Variants in FZD4 observed in about 807,000 individuals in gnomAD.
The protein encoded by FZD4 is frizzled-4.
A neutral mutation model predicts 37.3 loss-of-function variants in FZD4; 16 were observed. The observed-to-expected ratio is 0.43, with a 90% CI of 0.29 to 0.65. The LOEUF is 0.65. FZD4 is among the 30% of genes least tolerant of loss of function. FZD4 has a pLI of 0.16. For missense variants in FZD4, 599 were observed against 674.3 expected, an observed-to-expected ratio of 0.89 and a Z score of 1.24; for synonymous variants, 246 against 254.8, an observed-to-expected ratio of 0.97 and a Z score of 0.33.
intron 1 of FZD4, chr11:86,952,959 T>G (rs1373138579): frequency 1.3e-5 from 2 of 157,772 alleles, no homozygotes; most frequent in African/African-American, 4.8e-5. Context: ...CCTTAAAAAT[T>G]TGTTTAAACT....
In FZD4 at chr11:86,950,732, T is replaced by A; in HGVS notation, c.*410A>T. ...GCTATCTGAAAGACCCAGTTAGTAT[T>A]TAAAATGGTAAAGGGTTAAAAAAGT... On this transcript the variant is annotated 3_prime_UTR_variant, in exon 2 of 2. Coordinates refer to ENST00000531380, the MANE Select transcript of FZD4 (RefSeq NM_012193.4). 1 of 254,788 alleles carries A rather than the reference T, an allele frequency of 3.9e-6. No homozygotes were observed. The highest frequency in any genetic ancestry group is 5.6e-5 in the South Asian group (1 of 17,786). 15.8% of individuals were successfully genotyped at this position (254,788 alleles called of 1,614,324 possible).
Position 86,955,137 on chromosome 11 carries a change from C to A in FZD4, c.-52G>T, listed in dbSNP as rs1274822674. ...GCGGCTGGGGCTGCTCTGGCAGACACCCCCAGTTTGCACGGGGGCGCCGGC... is the reference window on the plus strand; with the variant it reads ...GCGGCTGGGGCTGCTCTGGCAGACAACCCCAGTTTGCACGGGGGCGCCGGC... On this transcript the variant is annotated 5_prime_UTR_variant, in exon 1 of 2. Transcript: ENST00000531380. The A allele has an allele frequency of 7.4e-6, 10 of 1,357,040 alleles. No homozygotes were observed. Among genetic ancestry groups the A allele is most frequent in the African/African-American group, 1.5e-5 (1 of 64,936 alleles). The allele number at this position is 1,357,040 out of a possible 1,614,324, so 84.1% of individuals were successfully genotyped here.
Position 86,949,643 on chromosome 11 carries a change from T to C in FZD4, c.*1499A>G, listed in dbSNP as rs1316232999. On this transcript the variant is annotated 3_prime_UTR_variant, in exon 2 of 2. Transcript: ENST00000531380. ...GCAATTTTCGAGAGGCTGCTGGGGGTACCCCCTTGTGAAGAACGTATGCAT... is the reference window on the plus strand; with the variant it reads ...GCAATTTTCGAGAGGCTGCTGGGGGCACCCCCTTGTGAAGAACGTATGCAT... 1 of 152,648 alleles carries C rather than the reference T, an allele frequency of 6.6e-6. No homozygotes were observed. The highest frequency in any genetic ancestry group is 1.5e-5 in the Non-Finnish European group (1 of 68,042). The allele number at this position is 152,648 out of a possible 1,614,324, so 9.5% of individuals were successfully genotyped here. A position where few individuals can be genotyped will look rare whatever the true frequency, so the allele number is the denominator to read the frequency against.
In FZD4 at chr11:86,955,257, AT is replaced by A. The variant is rs1949327072; in HGVS notation, c.-173del. On this transcript the variant is annotated 5_prime_UTR_variant, in exon 1 of 2. Transcript: ENST00000531380. ...CAGCAGCTGCGCGCGACTGTGTGGG[AT>A]TTTAGACGTCCCGGGCCGAGGCCGA... 1.9e-6 allele frequency: 1 copy of A among 515,104 alleles called. No individual in the cohort carries two copies. Among genetic ancestry groups the A allele is most frequent in the Non-Finnish European group, 3.3e-6 (1 of 304,160 alleles). The allele number at this position is 515,104 out of a possible 1,614,324, so 31.9% of individuals were successfully genotyped here. A position where few individuals can be genotyped will look rare whatever the true frequency, so the allele number is the denominator to read the frequency against.
rs765348251 is a variant in FZD4 at position 86,950,719 on chromosome 11, A to G, written c.*423T>C. 18 of 243,924 alleles carry G rather than the reference A, an allele frequency of 7.4e-5. No individual in the cohort carries two copies. Among genetic ancestry groups the G allele is most frequent in the Non-Finnish European group, 1.5e-4 (18 of 124,128 alleles). The allele number at this position is 243,924 out of a possible 1,614,324, so 15.1% of individuals were successfully genotyped here. ...TATAGATTGCTTTGCTATCTGAAAG[A>G]CCCAGTTAGTATTTAAAATGGTAAA... On this transcript the variant is annotated 3_prime_UTR_variant, in exon 2 of 2. Coordinates refer to ENST00000531380, the MANE Select transcript of FZD4 (RefSeq NM_012193.4).
Position 86,950,985 on chromosome 11 carries a change from TG to T in FZD4, c.*156del. On this transcript the variant is annotated 3_prime_UTR_variant, in exon 2 of 2. Coordinates refer to ENST00000531380, the MANE Select transcript of FZD4 (RefSeq NM_012193.4). ...AGCAAAATCATTGGTTTTTTGATGCTGGGGTCGGGGTGGGAGGCAGTGGGTT... is the reference window on the plus strand; with the variant it reads ...AGCAAAATCATTGGTTTTTTGATGCTGGGTCGGGGTGGGAGGCAGTGGGTT... 1.3e-6 allele frequency: 1 copy of T among 767,150 alleles called. No homozygotes were observed. The highest frequency in any genetic ancestry group is 2.2e-6 in the Non-Finnish European group (1 of 451,680). 47.5% of individuals were successfully genotyped at this position (767,150 alleles called of 1,614,324 possible).
chr11:86,950,660 G>C lies in FZD4; in HGVS notation c.*482C>G, dbSNP rs1431537912. ...ACATCAGCCAAACTATAAAACTCTT[G>C]TAACACTTTTCTGAACCCAGCGTTT... On this transcript the variant is annotated 3_prime_UTR_variant, in exon 2 of 2. Coordinates refer to ENST00000531380, the MANE Select transcript of FZD4 (RefSeq NM_012193.4). 5.1e-6 allele frequency: 1 copy of C among 197,154 alleles called. No homozygotes were observed. The highest frequency in any genetic ancestry group is 1.0e-4 in the South Asian group (1 of 9,762). The allele number at this position is 197,154 out of a possible 1,614,324, so 12.2% of individuals were successfully genotyped here. A position where few individuals can be genotyped will look rare whatever the true frequency, so the allele number is the denominator to read the frequency against.
chr11:86,946,686 C>T lies in FZD4; in HGVS notation c.*4456G>A, dbSNP rs562826356. On this transcript the variant is annotated 3_prime_UTR_variant, in exon 2 of 2. Transcript: ENST00000531380. ...TGATCCTTGGTAGGAGCAAAATGCT[C>T]TCTAAGGAGTTTCCAAGATCTATGA... 6.5e-6 allele frequency: 1 copy of T among 152,718 alleles called. No homozygotes were observed. The highest frequency in any genetic ancestry group is 2.1e-4 in the South Asian group (1 of 4,818). 9.5% of individuals were successfully genotyped at this position (152,718 alleles called of 1,614,324 possible).
intron 1 of FZD4, chr11:86,954,415 G>A (rs1018430592): frequency 2.0e-6 from 2 of 984,928 alleles, no homozygotes; most frequent in African/African-American, 1.7e-5. Flanking sequence ...AAGGAAGTTC[G>A]GTGAAGGATG....
Position 86,946,880 on chromosome 11 carries a change from G to A in FZD4, c.*4262C>T, listed in dbSNP as rs1275745811. ...ACTCTCTCCAGTGTCCTCCATCACA[G>A]AACAAAATACAAGACGTAAACTGAT... is the stretch of plus-strand genomic sequence containing the variant. On this transcript the variant is annotated 3_prime_UTR_variant, in exon 2 of 2. Transcript: ENST00000531380. 1 of 152,204 alleles carries A rather than the reference G, an allele frequency of 6.6e-6. No homozygotes were observed. Among genetic ancestry groups the A allele is most frequent in the African/African-American group, 2.4e-5 (1 of 41,432 alleles). The allele number at this position is 152,204 out of a possible 1,614,324, so 9.4% of individuals were successfully genotyped here. A position where few individuals can be genotyped will look rare whatever the true frequency, so the allele number is the denominator to read the frequency against.
In FZD4 at chr11:86,947,051, G is replaced by C. The variant is rs1949249256; in HGVS notation, c.*4091C>G. 1 of 152,432 alleles carries C rather than the reference G, an allele frequency of 6.6e-6. No individual in the cohort carries two copies. The highest frequency in any genetic ancestry group is 6.5e-5 in the Admixed American group (1 of 15,280). 9.4% of individuals were successfully genotyped at this position (152,432 alleles called of 1,614,324 possible). On this transcript the variant is annotated 3_prime_UTR_variant, in exon 2 of 2. Transcript: ENST00000531380. ...AAACCCCGTCTCTACTAAAAATACA[G>C]AAGTAGCTGGGCGTGGTAGCACGCA...
At chr11:86,954,540 G>C in intron 1 of FZD4, 1 of 985,338 alleles carries the variant, frequency 1.0e-6, no homozygotes, top group Non-Finnish European at 1.2e-6. Context: ...ACTGGGGTTA[G>C]GGGTCTGGGC....
rs1437609820 is a variant in FZD4 at position 86,949,414 on chromosome 11, A to G, written c.*1728T>C. On this transcript the variant is annotated 3_prime_UTR_variant, in exon 2 of 2. Coordinates refer to ENST00000531380, the MANE Select transcript of FZD4 (RefSeq NM_012193.4). The stretch of plus-strand genomic sequence containing the variant: ...TTCCACAAAGTGTGATTGAAAAAAA[A>G]AAAAAGAAAAAAAAAAGCTTCCCTT... The G allele has an allele frequency of 6.6e-6, 1 of 152,010 alleles. No individual in the cohort carries two copies. Among genetic ancestry groups the G allele is most frequent in the East Asian group, 1.9e-4 (1 of 5,192 alleles). The allele number at this position is 152,010 out of a possible 1,614,324, so 9.4% of individuals were successfully genotyped here. A position where few individuals can be genotyped will look rare whatever the true frequency, so the allele number is the denominator to read the frequency against.
chr11:86,946,910 A>T lies in FZD4; in HGVS notation c.*4232T>A, dbSNP rs1277450926. The T allele has an allele frequency of 6.6e-6, 1 of 152,332 alleles. No individual in the cohort carries two copies. Among genetic ancestry groups the T allele is most frequent in the Non-Finnish European group, 1.5e-5 (1 of 68,120 alleles). The allele number at this position is 152,332 out of a possible 1,614,324, so 9.4% of individuals were successfully genotyped here. A position where few individuals can be genotyped will look rare whatever the true frequency, so the allele number is the denominator to read the frequency against. ...AAATACAAGACGTAAACTGATTTTAAGAGGTTCCTTCCAGGCCAGGTGTGG... is the reference window on the plus strand; with the variant it reads ...AAATACAAGACGTAAACTGATTTTATGAGGTTCCTTCCAGGCCAGGTGTGG... On this transcript the variant is annotated 3_prime_UTR_variant, in exon 2 of 2. Transcript: ENST00000531380.
intron 1 of FZD4, among the ~76,000 whole-genome samples, chr11:86,953,956 T>C (rs183437737): frequency 5.3e-5 from 8 of 152,322 alleles, no homozygotes; most frequent in Admixed American, 4.6e-4. Flanking sequence ...ACGTCTACTT[T>C]TTCCCACAAC....
chr11:86,948,583 T>C lies in FZD4; in HGVS notation c.*2559A>G, dbSNP rs1032945308. The C allele has an allele frequency of 6.6e-6, 1 of 152,148 alleles. No individual in the cohort carries two copies. Among genetic ancestry groups the C allele is most frequent in the African/African-American group, 2.4e-5 (1 of 41,418 alleles). The allele number at this position is 152,148 out of a possible 1,614,324, so 9.4% of individuals were successfully genotyped here. On this transcript the variant is annotated 3_prime_UTR_variant, in exon 2 of 2. Coordinates refer to ENST00000531380, the MANE Select transcript of FZD4 (RefSeq NM_012193.4). ...ATCCAAATGGCCACTTCTGATCAAA[T>C]ACACTTTGCCCTGAAAAGGCAAGAG...
rs1446132180 is a variant in FZD4, at chr11:86,954,820, C to T, written c.266G>A (p.Gly89Asp). Residue 89 changes from glycine to aspartate, a missense_variant, in exon 1 of 2, where the codon GGC becomes GAC. Around this residue, in one of 3 missense-constraint regions of FZD4, gnomAD observed 357 missense variants for 396.1 expected, o/e 0.90. Transcript: ENST00000531380. ...GCCCACCTGCAGCTGGCTGGAGCAGCCGTACTGGATGAGCGGTGTGAAAGT... is the reference window on the plus strand; with the variant it reads ...GCCCACCTGCAGCTGGCTGGAGCAGTCGTACTGGATGAGCGGTGTGAAAGT... Reference protein sequence around the residue: ...LTTFTPLIQYGCSSQLQFFLC... With the variant: ...LTTFTPLIQYDCSSQLQFFLC... The T allele has an allele frequency of 6.2e-7, 1 of 1,611,036 alleles. No individual in the cohort carries two copies. Among genetic ancestry groups the T allele is most frequent in the South Asian group, 1.1e-5 (1 of 90,554 alleles).
chr11:86,948,465 C>G lies in FZD4; in HGVS notation c.*2677G>C, dbSNP rs1001931529. On this transcript the variant is annotated 3_prime_UTR_variant, in exon 2 of 2. Transcript: ENST00000531380. ...GGTCACTGGTAACTGACCCCTCAGC[C>G]ACAAAGTTCTTTTCCTGAAACCATA... 2.0e-5 allele frequency: 3 copies of G among 152,178 alleles called. No individual in the cohort carries two copies. The highest frequency in any genetic ancestry group is 4.4e-5 in the Non-Finnish European group (3 of 68,032). The allele number at this position is 152,178 out of a possible 1,614,324, so 9.4% of individuals were successfully genotyped here.
At chr11:86,952,524 G>C in intron 1 of FZD4, 54 bp from the exon 2 acceptor site, 2 of 1,590,218 alleles carry the variant, frequency 1.3e-6, no homozygotes, top group East Asian at 2.2e-5. Flanking sequence ...TTGGAAGTTT[G>C]ACCAAATGCT....
Sources: gnomAD v4.1 joint callset for allele counts (sites outside exome capture counted in the v4.1 genomes callset) on GRCh38, gnomAD v4.1.1 for gene constraint, gnomAD v4.1.1 regional missense constraint, MANE v1.5 for transcripts, NCBI Gene and HGNC (gene_info 2026-07-23, HGNC 2026-07-21) for gene names.